Variants in PAK3 observed in about 807,000 individuals in gnomAD.
PAK3 encodes the protein serine/threonine-protein kinase PAK 3.
Under a neutral mutation model 41.0 loss-of-function variants are expected in PAK3, and 4 were observed. That is an observed-to-expected ratio of 0.10 (90% CI 0.05 to 0.22). The LOEUF is 0.22. Among genes scored for constraint, PAK3 ranks in the 10% least tolerant of loss-of-function variants. The pLI is 1.00. For missense variants in PAK3, 205 were observed against 409.9 expected (o/e 0.50, Z 4.32); for synonymous variants, 146 against 139.6 (o/e 1.05, Z -0.32).
intron 1 of PAK3, among the ~76,000 whole-genome samples, chrX:110,979,611 C>T (rs1356969385): frequency 8.9e-6 from 1 of 112,012 alleles, no homozygotes; most frequent in Non-Finnish European, 1.9e-5. Context: ...CTCTTTTCAA[C>T]TTCACTGATT....
intron 5 of PAK3, among the ~76,000 whole-genome samples, chrX:111,124,744 C>T (rs1297797208): frequency 9.0e-6 from 1 of 111,347 alleles, no homozygotes; most frequent in Non-Finnish European, 1.9e-5. Flanking sequence ...TGCCCAAACC[C>T]TCTCAGGGGA....
intron 1 of PAK3, among the ~76,000 whole-genome samples, chrX:110,967,428 C>T (rs1007262140): frequency 1.8e-5 from 2 of 111,222 alleles, no homozygotes; most frequent in African/African-American, 6.6e-5. Context: ...AAAGGCATAA[C>T]TAGGGGCCAC....
At chrX:111,111,921 C>T (rs1200037354) in intron 4 of PAK3, among the ~76,000 whole-genome samples, 2 of 111,594 alleles carry the variant, frequency 1.8e-5, no homozygotes, top group Non-Finnish European at 3.8e-5. Context: ...CCTCTCTTGA[C>T]ATCTCTCTTC....
chrX:111,188,511 G>T (rs747212273), intron 11 of PAK3, among the ~76,000 whole-genome samples: 42 of 111,616 alleles, frequency 3.8e-4, no homozygotes, highest in Non-Finnish European at 7.7e-4. Context: ...CTTCCCTAGG[G>T]GGGGAGAAAG....
intron 11 of PAK3, among the ~76,000 whole-genome samples, chrX:111,177,091 T>C (rs2094414527): frequency 9.1e-6 from 1 of 110,128 alleles, no homozygotes; most frequent in African/African-American, 3.3e-5. Context: ...CTACTCTCAA[T>C]ATGTAGAGTT....
chrX:111,002,262 T>A (rs959906102), intron 1 of PAK3, among the ~76,000 whole-genome samples: 2 of 111,805 alleles, frequency 1.8e-5, no homozygotes, highest in African/African-American at 6.5e-5. Context: ...CATTTTAAAA[T>A]TGAGGTAAGT....
At chrX:111,087,136 T>A (rs1307767596) in intron 1 of PAK3, among the ~76,000 whole-genome samples, 6 of 2,791 alleles carry the variant, frequency 2.1e-3, no homozygotes, top group African/African-American at 2.4e-3. Flanking sequence ...AACAAGTAAG[T>A]GTGTGTGTGT....
At chrX:111,174,537 A>G (rs2094385018) in intron 11 of PAK3, among the ~76,000 whole-genome samples, 1 of 111,879 alleles carries the variant, frequency 8.9e-6, no homozygotes, top group Admixed American at 9.5e-5. Flanking sequence ...AATGGGTCAA[A>G]TTAATATTTC....
chrX:111,127,704 G>A (rs2093667185), intron 5 of PAK3, among the ~76,000 whole-genome samples: 1 of 111,536 alleles, frequency 9.0e-6, no homozygotes, highest in Non-Finnish European at 1.9e-5. Context: ...AGAAAGCTTG[G>A]AGTCAAATGT....
intron 1 of PAK3, among the ~76,000 whole-genome samples, chrX:110,972,836 T>G (rs904980941): frequency 4.5e-5 from 5 of 111,256 alleles, no homozygotes; most frequent in African/African-American, 6.5e-5. Flanking sequence ...GACGAATGGC[T>G]AACTAGAATA....
At chrX:111,036,883 A>T (rs2092404552) in intron 1 of PAK3, among the ~76,000 whole-genome samples, 1 of 111,997 alleles carries the variant, frequency 8.9e-6, no homozygotes, top group Non-Finnish European at 1.9e-5. Flanking sequence ...AGCAATTTAC[A>T]ATTCCTCCTT....
chrX:111,113,213 C>A (rs777570774), intron 4 of PAK3, among the ~76,000 whole-genome samples: 15 of 111,952 alleles, frequency 1.3e-4, no homozygotes, highest in African/African-American at 3.9e-4. Flanking sequence ...TATTAGCTAT[C>A]CTTCCTGCTC....
chrX:111,085,747 T>C (rs1044567396), intron 1 of PAK3, among the ~76,000 whole-genome samples: 17 of 111,818 alleles, frequency 1.5e-4, no homozygotes, highest in Non-Finnish European at 3.0e-4. Context: ...ATTCCTTTGA[T>C]TGAAGCATTG....
At chrX:110,949,246 G>A (rs1429003655) in intron 1 of PAK3, among the ~76,000 whole-genome samples, 2 of 111,255 alleles carry the variant, frequency 1.8e-5, no homozygotes, top group Non-Finnish European at 3.8e-5. Context: ...TAGGTTTCTA[G>A]TGGAGACCTA....
chrX:111,010,344 GTTC>G (rs1339650442), intron 1 of PAK3, among the ~76,000 whole-genome samples: 1 of 111,635 alleles, frequency 9.0e-6, no homozygotes, highest in Non-Finnish European at 1.9e-5. Context: ...GAAGCTGCAA[GTTC>G]TTCTAGCCAA....
At chrX:111,181,836 A>G (rs1163167627) in intron 11 of PAK3, among the ~76,000 whole-genome samples, 2 of 109,475 alleles carry the variant, frequency 1.8e-5, no homozygotes, top group African/African-American at 6.7e-5. Context: ...CCCCAAAAGT[A>G]TTTGCTTCTT....
intron 11 of PAK3, among the ~76,000 whole-genome samples, chrX:111,179,348 GT>G (rs1267316344): frequency 9.1e-6 from 1 of 110,009 alleles, no homozygotes; most frequent in African/African-American, 3.3e-5. Context: ...TAAGACTATT[GT>G]TTTTTGAATT....
At chrX:111,102,553 G>GTGA (rs1358811993) in intron 3 of PAK3, among the ~76,000 whole-genome samples, 1 of 111,707 alleles carries the variant, frequency 9.0e-6, no homozygotes, top group Non-Finnish European at 1.9e-5. Flanking sequence ...GGAAATGGAG[G>GTGA]TGGAGACTTA....
intron 1 of PAK3, among the ~76,000 whole-genome samples, chrX:111,065,358 C>T (rs1190550592): frequency 1.8e-5 from 2 of 108,830 alleles, no homozygotes; most frequent in South Asian, 4.0e-4. Context: ...TGGTGAATCA[C>T]ATTTATTGAT....
Sources: allele counts gnomAD v4.1 joint callset (sites outside exome capture counted in the v4.1 genomes callset), GRCh38; gene constraint gnomAD v4.1.1; transcripts MANE v1.5; gene names NCBI Gene and HGNC (gene_info 2026-07-23, HGNC 2026-07-21).